Variants in SLC9B1 observed in about 807,000 individuals in gnomAD.
SLC9B1 encodes sodium/hydrogen exchanger 9B1.
A neutral mutation model predicts 51.7 loss-of-function variants in SLC9B1; 32 were observed. The ratio of observed to expected loss-of-function variants is 0.62; its 90% CI spans 0.47 to 0.83. The LOEUF (loss-of-function observed/expected upper bound fraction) is 0.83. SLC9B1 is among the 40% of genes least tolerant of loss of function. SLC9B1 has a pLI of 0.00. For synonymous variants in SLC9B1, 145 were observed against 212.7 expected (o/e 0.68, Z 2.77); for missense variants, 406 against 613.2 (o/e 0.66, Z 3.57).
chr4:102,917,131 A>T (rs1735612897), intron 7 of SLC9B1, among the ~76,000 whole-genome samples: 1 of 152,204 alleles, frequency 6.6e-6, no homozygotes, highest in East Asian at 1.9e-4. Flanking sequence ...GCCCTTGCAC[A>T]TCAAACTCTA....
chr4:103,007,125 A>T (rs1455069867), intron 1 of SLC9B1, among the ~76,000 whole-genome samples: 3 of 152,230 alleles, frequency 2.0e-5, no homozygotes, highest in Non-Finnish European at 4.4e-5. Context: ...TTCTAGCCAG[A>T]ACAATCAGGC....
At chr4:102,923,644 T>G (rs6533036) in intron 7 of SLC9B1, among the ~76,000 whole-genome samples, 86,833 of 151,082 alleles carry the variant, frequency 0.57, 26,211 homozygotes, top group African/African-American at 0.78. Flanking sequence ...CAGATGACAT[T>G]ATTGTATATT....
At chr4:102,926,328 G>T (rs1332224035) in intron 7 of SLC9B1, among the ~76,000 whole-genome samples, 1 of 152,230 alleles carries the variant, frequency 6.6e-6, no homozygotes, top group Non-Finnish European at 1.5e-5. Flanking sequence ...CAGATGACAT[G>T]ATTGTATATT....
chr4:102,932,034 T>C lies in SLC9B1; in HGVS notation c.829+90A>G, dbSNP rs1736483068. Reference sequence around the variant, plus strand: ...TGTTAAATTGAACAGTCTTGGTTAATAAATGAAGAAGCAAAGCCAGAAACC... The same window carrying C: ...TGTTAAATTGAACAGTCTTGGTTAACAAATGAAGAAGCAAAGCCAGAAACC... On this transcript the variant is annotated intron_variant, in intron 7 of 11. Transcript: ENST00000296422. 4 of 1,224,722 alleles carry C rather than the reference T, an allele frequency of 3.3e-6. No individual in the cohort carries two copies. In the Admixed American group the frequency reaches 5.4e-5, roughly 17 times the overall value. The allele number at this position is 1,224,722 out of a possible 1,614,324, so 75.9% of individuals were successfully genotyped here.
At chr4:102,912,118 C>A in intron 7 of SLC9B1, 1 of 147,964 alleles carries the variant, frequency 6.8e-6, no homozygotes, top group Non-Finnish European at 1.4e-5. Context: ...GGGTGAAAGA[C>A]GGAGGCCACA....
chr4:103,002,758 C>G (rs571280142), intron 1 of SLC9B1, among the ~76,000 whole-genome samples: 1 of 152,294 alleles, frequency 6.6e-6, no homozygotes, highest in South Asian at 2.1e-4. Context: ...GTCCTTAACT[C>G]TCGAGTGCTT....
chr4:103,017,781 A>G (rs1741463417), intron 1 of SLC9B1, among the ~76,000 whole-genome samples: 1 of 152,168 alleles, frequency 6.6e-6, no homozygotes, highest in South Asian at 2.1e-4. Flanking sequence ...TCTTACACTC[A>G]CTAGAATTTA....
intron 3 of SLC9B1, among the ~76,000 whole-genome samples, chr4:102,977,504 G>A (rs2110506331): frequency 6.6e-6 from 1 of 152,192 alleles, no homozygotes; most frequent in South Asian, 2.1e-4. Context: ...GAACCTTATA[G>A]GTATTCAATA....
chr4:102,939,773 T>C (rs1578364204), intron 6 of SLC9B1, among the ~76,000 whole-genome samples: 1 of 152,086 alleles, frequency 6.6e-6, no homozygotes, highest in South Asian at 2.1e-4. Context: ...TAAATGTGAT[T>C]CATCATATAA....
intron 5 of SLC9B1, among the ~76,000 whole-genome samples, chr4:102,946,311 T>A (rs1737265477): frequency 6.6e-6 from 1 of 152,172 alleles, no homozygotes; most frequent in Admixed American, 6.6e-5. Flanking sequence ...TCTGTTTGTT[T>A]GTTTTGTTTT....
chr4:102,967,733 G>C (rs2110495137), intron 3 of SLC9B1, among the ~76,000 whole-genome samples: 1 of 152,196 alleles, frequency 6.6e-6, no homozygotes, highest in East Asian at 1.9e-4. Flanking sequence ...TTCCCATTAG[G>C]CCCCACCTCT....
At chr4:102,949,750 C>A (rs888701357) in intron 3 of SLC9B1, among the ~76,000 whole-genome samples, 18 of 152,210 alleles carry the variant, frequency 1.2e-4, no homozygotes, top group African/African-American at 4.3e-4. Flanking sequence ...ACATGAGGTT[C>A]AGGAGTTTGA....
At chr4:102,943,537 A>ACACACACC (rs369522217) in intron 6 of SLC9B1, among the ~76,000 whole-genome samples, 1 of 151,544 alleles carries the variant, frequency 6.6e-6, no homozygotes, top group Non-Finnish European at 1.5e-5. Context: ...ACACACACAC[A>ACACACACC]CCATCGACAG....
At chr4:102,996,063 G>T (rs1381141258) in intron 1 of SLC9B1, among the ~76,000 whole-genome samples, 1 of 152,160 alleles carries the variant, frequency 6.6e-6, no homozygotes, top group East Asian at 1.9e-4. Flanking sequence ...ATATTACTCA[G>T]ATCTTTGTCA....
chr4:102,919,407 G>T (rs1279323614), intron 7 of SLC9B1, among the ~76,000 whole-genome samples: 1 of 152,152 alleles, frequency 6.6e-6, no homozygotes, highest in Non-Finnish European at 1.5e-5. Context: ...CTGCTGCTTA[G>T]AAATTTCTTC....
chr4:102,941,593 T>C (rs1346354166), intron 6 of SLC9B1: 231 of 410,156 alleles, frequency 5.6e-4, no homozygotes, highest in Middle Eastern at 1.6e-3. Flanking sequence ...TGAGCTGAGA[T>C]TGGGCCATTG....
Position 102,989,918 on chromosome 4 carries a change from A to C in SLC9B1, c.93T>G (p.Thr31=). The C allele has an allele frequency of 6.3e-7, 1 of 1,583,138 alleles. No homozygotes were observed. Among genetic ancestry groups the C allele is most frequent in the East Asian group, 2.3e-5 (1 of 44,150 alleles). The change falls in exon 3 of 12, where the codon ACT becomes ACG. Residue 31 remains threonine (T), a synonymous_variant. Coordinates refer to ENST00000296422, the MANE Select transcript of SLC9B1 (RefSeq NM_139173.4). ...AGACAGTTTTAGTTTCTTCCTGTGCAGTATTATTAGGATCAATGAGACTCT... is the reference window on the plus strand; with the variant it reads ...AGACAGTTTTAGTTTCTTCCTGTGCCGTATTATTAGGATCAATGAGACTCT... The part of the protein sequence containing the change: ...TPQSLIDPNN[T]AQEETKTVLS...
intron 7 of SLC9B1, among the ~76,000 whole-genome samples, chr4:102,929,185 C>T (rs1288288903): frequency 6.6e-6 from 1 of 152,144 alleles, no homozygotes; most frequent in African/African-American, 2.4e-5. Context: ...ATGTAATATT[C>T]ATCCCATTTG....
downstream of SLC9B1, among the ~76,000 whole-genome samples, chr4:102,898,672 G>C (rs1176538792): frequency 6.6e-6 from 1 of 152,112 alleles, no homozygotes; most frequent in African/African-American, 2.4e-5. Flanking sequence ...CTTAAACAGT[G>C]AAAAAAATAG....
Sources: gnomAD v4.1 joint callset for allele counts (sites outside exome capture counted in the v4.1 genomes callset) on GRCh38, gnomAD v4.1.1 for gene constraint, MANE v1.5 for transcripts, NCBI Gene and HGNC (gene_info 2026-07-23, HGNC 2026-07-21) for gene names.